Variants in ADGRV1 observed in about 807,000 individuals in gnomAD.
ADGRV1 encodes G-protein coupled receptor 98.
A neutral mutation model predicts 596.2 loss-of-function variants in ADGRV1; 359 were observed. That is an observed-to-expected ratio of 0.60 (90% CI 0.55 to 0.66). The LOEUF is 0.66. Among genes scored for constraint, ADGRV1 ranks in the 30% least tolerant of loss-of-function variants. The pLI, the probability that ADGRV1 is intolerant of heterozygous loss-of-function variation, is 0.00. For missense variants in ADGRV1, 7,274 were observed against 7,575.6 expected (o/e 0.96, Z 1.48); for synonymous variants, 2,681 against 2,679.2 (o/e 1.00, Z -0.02).
At chr5:90,797,270 A>C (rs529486709) in intron 70 of ADGRV1, among the ~76,000 whole-genome samples, 1 of 143,376 alleles carries the variant, frequency 7.0e-6, no homozygotes, top group African/African-American at 2.7e-5. Flanking sequence ...AGGAATATTT[A>C]CCAAGCAAAT....
intron 85 of ADGRV1, among the ~76,000 whole-genome samples, chr5:91,005,611 T>C (rs1019871425): frequency 6.6e-6 from 1 of 152,168 alleles, no homozygotes; most frequent in Non-Finnish European, 1.5e-5. Flanking sequence ...TCCTACTTTA[T>C]TATCCACAGT....
intron 75 of ADGRV1, among the ~76,000 whole-genome samples, chr5:90,817,852 C>A (rs998762742): frequency 2.0e-5 from 3 of 152,148 alleles, no homozygotes; most frequent in African/African-American, 7.2e-5. Context: ...TAGTGTGATG[C>A]CTCCAGCTTT....
At chr5:91,093,683 A>G (rs1456269901) in intron 86 of ADGRV1, among the ~76,000 whole-genome samples, 1 of 152,138 alleles carries the variant, frequency 6.6e-6, no homozygotes, top group Non-Finnish European at 1.5e-5. Context: ...AAGACTAGAG[A>G]GCATTCACTG....
In ADGRV1 at chr5:90,753,713, C is replaced by A; in HGVS notation, c.11261C>A (p.Ala3754Asp). 6.2e-7 allele frequency: 1 copy of A among 1,613,642 alleles called. No homozygotes were observed. The highest frequency in any genetic ancestry group is 2.2e-5 in the East Asian group (1 of 44,870). Reference protein sequence around the residue: ...TEGVEDSYKGATIDQDRSKSV... With the variant: ...TEGVEDSYKGDTIDQDRSKSV... Reference sequence around the variant, plus strand: ...GGGGTTGAGGACTCATACAAAGGTGCTACTATTGATCAGGACAGAAGCAAG... The same window carrying A: ...GGGGTTGAGGACTCATACAAAGGTGATACTATTGATCAGGACAGAAGCAAG... Residue 3754 changes from alanine to aspartate, a missense_variant, in exon 54 of 90, where the codon GCT (alanine) becomes GAT (aspartate). By Grantham distance (126) the Ala-to-Asp change is moderately radical. Transcript: ENST00000405460.
intron 87 of ADGRV1, among the ~76,000 whole-genome samples, chr5:91,135,373 C>A (rs188529812): frequency 5.1e-4 from 77 of 152,186 alleles, no homozygotes; most frequent in African/African-American, 1.8e-3. Context: ...TATAACATGC[C>A]TTTCATCCCT....
At chr5:90,739,009 T>G (rs1753611443) in intron 50 of ADGRV1, among the ~76,000 whole-genome samples, 1 of 152,114 alleles carries the variant, frequency 6.6e-6, no homozygotes, top group Admixed American at 6.5e-5. Context: ...TTTGCTTCTT[T>G]GACTGGATAA....
At chr5:90,660,914 A>G (rs1025688285) in intron 21 of ADGRV1, among the ~76,000 whole-genome samples, 3 of 152,150 alleles carry the variant, frequency 2.0e-5, no homozygotes, top group African/African-American at 4.8e-5. Context: ...TTATTCTGTG[A>G]TTTGTTTTCT....
chr5:90,982,754 G>A (rs1780183257), intron 84 of ADGRV1, among the ~76,000 whole-genome samples: 1 of 151,864 alleles, frequency 6.6e-6, no homozygotes, highest in South Asian at 2.1e-4. Flanking sequence ...GCCGGGCCAG[G>A]CTTCTCCCCT....
rs771140827 is a variant in ADGRV1, at chr5:90,643,823, G to A, written c.2574G>A (p.Val858=). The change falls in exon 14 of 90, where the codon GTG becomes GTA. Residue 858 remains valine (V), a synonymous_variant. Coordinates refer to ENST00000405460, the MANE Select transcript of ADGRV1 (RefSeq NM_032119.4). ...TTTAGTTGGATGAACACTACTGGGT[G>A]GTCCTCAGCAGCCACGGAGAACGGG... ...GIPELDEHYW[V]VLSSHGERES... 3.7e-6 allele frequency: 6 copies of A among 1,608,442 alleles called. No homozygotes were observed. The Admixed American group carries it at 1.0e-4, about 27-fold the overall frequency.
chr5:90,832,107 TGGGTATATACC>T (rs774764505), intron 77 of ADGRV1, among the ~76,000 whole-genome samples: 1 of 152,298 alleles, frequency 6.6e-6, no homozygotes, highest in Non-Finnish European at 1.5e-5. Context: ...TCCTTTCTTT[TGGGTATATACC>T]TGGGAGTGGA....
intron 62 of ADGRV1, 50 bp downstream of exon 62, chr5:90,778,093 G>A (rs1269169619): frequency 3.3e-6 from 5 of 1,512,988 alleles, no homozygotes; most frequent in African/African-American, 2.8e-5. Flanking sequence ...CTGTGCTGGT[G>A]TGTGCACATG....
chr5:90,751,346 T>C (rs1450355327), intron 53 of ADGRV1, among the ~76,000 whole-genome samples: 13 of 152,138 alleles, frequency 8.5e-5, no homozygotes, highest in Admixed American at 7.2e-4. Context: ...AGTCCTTGGC[T>C]TTAGGCCACC....
chr5:90,753,524 CAT>C, intron 53 of ADGRV1, 48 bp from the exon 54 acceptor site: 1 of 1,356,844 alleles, frequency 7.4e-7, no homozygotes, highest in East Asian at 2.3e-5. Context: ...ATTCTTACTA[CAT>C]AGTGACAATT....
At chr5:91,061,029 C>T (rs1028785161) in intron 85 of ADGRV1, among the ~76,000 whole-genome samples, 13 of 152,136 alleles carry the variant, frequency 8.5e-5, no homozygotes, top group African/African-American at 2.9e-4. Flanking sequence ...ATCCAGAATG[C>T]AGGCTCTGAA....
intron 87 of ADGRV1, among the ~76,000 whole-genome samples, chr5:91,125,792 TAGAA>T (rs1389133386): frequency 6.6e-6 from 1 of 152,218 alleles, no homozygotes; most frequent in Non-Finnish European, 1.5e-5. Context: ...CAACAGAGCT[TAGAA>T]AGCACTATTT....
chr5:90,863,559 T>C (rs1740242313), intron 82 of ADGRV1, among the ~76,000 whole-genome samples, 198 bp from the exon 83 acceptor site: 1 of 152,210 alleles, frequency 6.6e-6, no homozygotes, highest in Admixed American at 6.5e-5. Flanking sequence ...AATATTGGGC[T>C]TAACTGGTAA....
intron 83 of ADGRV1, among the ~76,000 whole-genome samples, chr5:90,893,226 T>C (rs1253058538): frequency 1.3e-5 from 2 of 152,154 alleles, no homozygotes; most frequent in African/African-American, 4.8e-5. Flanking sequence ...TTCCTTGCTT[T>C]AGGAAGGCTT....
At chr5:91,129,592 A>G (rs1972326) in intron 87 of ADGRV1, among the ~76,000 whole-genome samples, 144,325 of 152,266 alleles carry the variant, frequency 0.95, 68,785 homozygotes, top group Non-Finnish European at 1. Context: ...TTTACGATGG[A>G]ATTTATGCTT....
At chr5:90,936,351 C>G (rs989748580) in intron 83 of ADGRV1, among the ~76,000 whole-genome samples, 2 of 152,042 alleles carry the variant, frequency 1.3e-5, no homozygotes, top group Non-Finnish European at 2.9e-5. Context: ...ATATATCTAT[C>G]TATTACTTTC....
Sources: gnomAD v4.1 joint callset for allele counts (sites outside exome capture counted in the v4.1 genomes callset) on GRCh38, gnomAD v4.1.1 for gene constraint, MANE v1.5 for transcripts, NCBI Gene and HGNC (gene_info 2026-07-23, HGNC 2026-07-21) for gene names.